The following ERCC2 variants were observed in gnomAD, a reference collection of about 807,000 sequenced individuals.
ERCC2 encodes general transcription and DNA repair factor IIH helicase subunit XPD.
Under a neutral mutation model 99.4 loss-of-function variants are expected in ERCC2, and 90 were observed. The ratio of observed to expected loss-of-function variants is 0.91; its 90% CI spans 0.76 to 1.08. ERCC2 has a LOEUF of 1.08. Ranked by LOEUF, ERCC2 falls within the 50% of genes least tolerant of loss-of-function variation. ERCC2 has a pLI of 0.00. For synonymous variants in ERCC2, 497 were observed against 432.4 expected (o/e 1.15, Z -1.85); for missense variants, 993 against 1,038.1 (o/e 0.96, Z 0.60).
intron 17 of ERCC2, among the ~76,000 whole-genome samples, 156 bp downstream of exon 17, chr19:45,354,574 G>A (rs887207456): frequency 6.6e-6 from 1 of 152,182 alleles, no homozygotes; most frequent in Non-Finnish European, 1.5e-5. Context: ...GCATGGGGGT[G>A]TGTGCTGCTT....
intron 17 of ERCC2, 30 bp from the exon 18 acceptor site, chr19:45,353,364 G>A (rs777430342): frequency 1.3e-6 from 2 of 1,527,728 alleles, no homozygotes; most frequent in East Asian, 2.3e-5. Context: ...GGTCAGGGTG[G>A]GTTCAGGGCA....
rs755217625 is a variant in ERCC2 at position 45,352,283 on chromosome 19, G to C, written c.2116C>G (p.Leu706Val). ...ACACCCTCGTCCACGGTCAGGTTGA[G>C]GTTGGCATCTGTGAGGTGCTCCTGG... Reference protein sequence around the residue: ...WIQEHLTDANLNLTVDEGVQV... With the variant: ...WIQEHLTDANVNLTVDEGVQV... The change falls in exon 22 of 23, where the codon CTC becomes GTC. Residue 706 changes from leucine (L) to valine (V), a missense_variant. Coordinates refer to ENST00000391945, the MANE Select transcript of ERCC2 (RefSeq NM_000400.4). 6.2e-7 allele frequency: 1 copy of C among 1,614,028 alleles called. No individual in the cohort carries two copies. The highest frequency in any genetic ancestry group is 8.5e-7 in the Non-Finnish European group (1 of 1,180,034).
chr19:45,358,692 T>C (rs1349301511), intron 12 of ERCC2: 1 of 663,016 alleles, frequency 1.5e-6, no homozygotes, highest in Non-Finnish European at 2.8e-6. Flanking sequence ...TGCTCAAAAG[T>C]CAGCCCCTCC....
Position 45,354,810 on chromosome 19 carries a change from C to A in ERCC2, c.1585G>T (p.Ala529Ser), listed in dbSNP as rs370819591. Reference sequence around the variant, plus strand: ...GCCACGATGCCATCAGGGACCACAGCGGACATCTCCAGCAGGAGGTTCCCA... The same window carrying A: ...GCCACGATGCCATCAGGGACCACAGAGGACATCTCCAGCAGGAGGTTCCCA... ...NYGNLLLEMS[A>S]VVPDGIVAFF... The change falls in exon 17 of 23, where the codon GCT (alanine) becomes TCT (serine). Residue 529 changes from alanine to serine, a missense_variant. Around this residue, in one of 3 missense-constraint regions of ERCC2, gnomAD observed 909 missense variants for 930.8 expected, o/e 0.98. Coordinates refer to ENST00000391945, the MANE Select transcript of ERCC2 (RefSeq NM_000400.4). 18 of 1,614,116 alleles carry A rather than the reference C, an allele frequency of 1.1e-5. No individual in the cohort carries two copies. Among genetic ancestry groups the A allele is most frequent in the Non-Finnish European group, 1.5e-5 (18 of 1,179,980 alleles).
In ERCC2 at chr19:45,364,047, G is replaced by A. The variant is rs371577814; in HGVS notation, c.888C>T (p.Ser296=). Residue 296 remains serine, a synonymous_variant, in exon 10 of 23, where the codon AGC becomes AGT. Coordinates refer to ENST00000391945, the MANE Select transcript of ERCC2 (RefSeq NM_000400.4). The stretch of plus-strand genomic sequence containing the variant: ...GGTGGGCGTCCGTCTCCCGGGCGGC[G>A]CTGGCCTCCCGCAGCCCCTCCACCA... ...RRLVEGLREA[S]AARETDAHLA... The A allele has an allele frequency of 2.5e-6, 4 of 1,568,712 alleles. No individual in the cohort carries two copies. Among genetic ancestry groups the A allele is most frequent in the Admixed American group, 1.9e-5 (1 of 53,352 alleles).
intron 11 of ERCC2, among the ~76,000 whole-genome samples, chr19:45,362,651 C>T (rs1396488567): frequency 2.0e-5 from 3 of 152,268 alleles, no homozygotes; most frequent in African/African-American, 7.2e-5. Context: ...CTGTCCCCTC[C>T]ACTGGGCCAT....
In ERCC2 at chr19:45,370,179, T is replaced by C; in HGVS notation, c.59A>G (p.Glu20Gly). The C allele has an allele frequency of 1.2e-6, 2 of 1,613,436 alleles. No homozygotes were observed. The highest frequency in any genetic ancestry group is 4.5e-5 in the East Asian group (2 of 44,840). Residue 20 changes from glutamate (E) to glycine (G), a missense_variant, in exon 2 of 23, where the codon GAG becomes GGG. Glu to Gly is a moderately conservative substitution (Grantham distance 98). Transcript: ENST00000391945. ...GAGCTCCCGCATGTAGGAGAACTGC[T>C]CGGGGTAGATGTAGTCGTACGGGAA... ...VYFPYDYIYP[E>G]QFSYMRELKR...
Position 45,368,700 on chromosome 19 carries a change from T to C in ERCC2, c.290A>G (p.Gln97Arg). 6.2e-7 allele frequency: 1 copy of C among 1,614,106 alleles called. No homozygotes were observed. ...CAGAAACGGCAGCTTCTCGCCCTCC[T>C]GCTTCTCATAGAAGTTGAGCAACTT... ...LRKLLNFYEK[Q>R]EGEKLPFLGL... Residue 97 changes from glutamine to arginine, a missense_variant, in exon 5 of 23, where the codon CAG becomes CGG. Physicochemically the swap from Gln to Arg is conservative, Grantham distance 43. Around this residue, in one of 3 missense-constraint regions of ERCC2, gnomAD observed 909 missense variants for 930.8 expected, o/e 0.98. Coordinates refer to ENST00000391945, the MANE Select transcript of ERCC2 (RefSeq NM_000400.4).
rs572026532 is a variant in ERCC2, at chr19:45,364,341, G to T, written c.719-10C>A. ...TCGATGCAGACGTTGTCTGGAGAAG[G>T]GGGAGAGAGCCGGCTCAGGCAGGCC... On this transcript the variant is annotated splice_polypyrimidine_tract_variant and intron_variant, in intron 8 of 22. Transcript: ENST00000391945. 1.9e-6 allele frequency: 3 copies of T among 1,613,960 alleles called. No homozygotes were observed. In the African/African-American group the frequency reaches 4.0e-5, roughly 22 times the overall value.
rs1971775006 is a variant in ERCC2 at position 45,351,486 on chromosome 19, C to T, written c.*143G>A. On this transcript the variant is annotated 3_prime_UTR_variant, in exon 23 of 23. Transcript: ENST00000391945. ...TGGGTACCTGGTGGATAGCTGCCTT[C>T]TCCTGCGATTAAAGGCTGTGGACGT... 1.3e-6 allele frequency: 2 copies of T among 1,589,384 alleles called. No homozygotes were observed. The highest frequency in any genetic ancestry group is 1.7e-6 in the Non-Finnish European group (2 of 1,172,190).
At chr19:45,355,126 G>A (rs1002162347) in intron 16 of ERCC2, among the ~76,000 whole-genome samples, 1 of 152,244 alleles carries the variant, frequency 6.6e-6, no homozygotes. Context: ...GGAGGCCGAG[G>A]CGGGTGGATC....
At position 45,352,572 on chromosome 19, in the gene ERCC2, C is replaced by A. The variant is rs775910108; in HGVS notation, c.1980G>T (p.Ala660=). 9.3e-6 allele frequency: 15 copies of A among 1,614,096 alleles called. No homozygotes were observed. Among genetic ancestry groups the A allele is most frequent in the Non-Finnish European group, 1.3e-5 (15 of 1,180,038 alleles). The change falls in exon 21 of 23, where the codon GCG becomes GCT. Residue 660 remains alanine, a synonymous_variant. Coordinates refer to ENST00000391945, the MANE Select transcript of ERCC2 (RefSeq NM_000400.4). ...TGATGGCCCGACCCACACACTGGGC[C>A]GCGTGGCGCATGGCATCGAAGGTAA... ...DFLTFDAMRH[A]AQCVGRAIRG...
Position 45,351,711 on chromosome 19 carries a change from A to G in ERCC2, c.2201T>C (p.Leu734Pro). The change falls in exon 23 of 23, where the codon CTG becomes CCG. Residue 734 changes from leucine (L) to proline (P), a missense_variant. Physicochemically the swap from Leu to Pro is moderately conservative, Grantham distance 98 (BLOSUM62 -3). Coordinates refer to ENST00000391945, the MANE Select transcript of ERCC2 (RefSeq NM_000400.4). ...CTCCAGGCTGAGCAGGGACAGGCCCAGCTGATCCTCCTGCAGAGAACAGAG... is the reference window on the plus strand; with the variant it reads ...CTCCAGGCTGAGCAGGGACAGGCCCGGCTGATCCTCCTGCAGAGAACAGAG... The part of the protein sequence containing the change: ...MAQPFHREDQ[L>P]GLSLLSLEQL... 1 of 1,613,812 alleles carries G rather than the reference A, an allele frequency of 6.2e-7. No individual in the cohort carries two copies. Among genetic ancestry groups the G allele is most frequent in the Non-Finnish European group, 8.5e-7 (1 of 1,179,970 alleles).
chr19:45,357,682 C>T lies in ERCC2; in HGVS notation c.1255G>A (p.Glu419Lys), dbSNP rs574002154. The change falls in exon 13 of 23, where the codon GAG becomes AAG. Residue 419 changes from glutamate to lysine, a missense_variant. By Grantham distance (56) the Glu-to-Lys change is moderately conservative (BLOSUM62 1). This residue lies in a region of ERCC2 where 909 missense variants were observed against 930.8 expected (regional missense o/e 0.98). Transcript: ENST00000391945. The stretch of plus-strand genomic sequence containing the variant: ...GTCGGGGTTCTGTCGTCAAAGGGCT[C>T]GATGATGATGGTGAAGCCTGCAGAG... ...TYAKGFTIII[E>K]PFDDRTPTIA... is the part of the protein sequence containing the mutation. The T allele has an allele frequency of 4.6e-5, 75 of 1,613,786 alleles. No homozygotes were observed. Among genetic ancestry groups the T allele is most frequent in the South Asian group, 4.3e-4 (39 of 91,076 alleles).
rs762568700 is a variant in ERCC2 at position 45,350,865 on chromosome 19, C to G, written c.*764G>C. 3.4e-5 allele frequency: 48 copies of G among 1,427,844 alleles called. No individual in the cohort carries two copies. The South Asian group carries it at 3.7e-4, about 11-fold the overall frequency. 88.4% of individuals were successfully genotyped at this position (1,427,844 alleles called of 1,614,324 possible). On this transcript the variant is annotated 3_prime_UTR_variant, in exon 23 of 23. Transcript: ENST00000391945. ...TGGCTCCCATCTCCCCTGTGATACA[C>G]ACAGATCAAACCCTGTGCTGGAAAG... is the stretch of plus-strand genomic sequence containing the variant.
At chr19:45,353,389 A>G in intron 17 of ERCC2, 55 bp from the exon 18 acceptor site, 1 of 1,217,624 alleles carries the variant, frequency 8.2e-7, no homozygotes, top group Non-Finnish European at 1.2e-6. Flanking sequence ...CATCCTGGTT[A>G]CATCCAACTC....
Position 45,354,781 on chromosome 19 carries a change from G to C in ERCC2, c.1614C>G (p.Phe538Leu). Residue 538 changes from phenylalanine to leucine, a missense_variant, in exon 17 of 23, where the codon TTC becomes TTG. Around this residue, in one of 3 missense-constraint regions of ERCC2, gnomAD observed 909 missense variants for 930.8 expected, o/e 0.98. Coordinates refer to ENST00000391945, the MANE Select transcript of ERCC2 (RefSeq NM_000400.4). ...SAVVPDGIVA[F>L]FTSYQYMEST... ...TCTCCATGTACTGGTAGCTGGTGAA[G>C]AAGGCCACGATGCCATCAGGGACCA... 1 of 1,614,160 alleles carries C rather than the reference G, an allele frequency of 6.2e-7. No individual in the cohort carries two copies. The highest frequency in any genetic ancestry group is 8.5e-7 in the Non-Finnish European group (1 of 1,180,006).
At position 45,350,280 on chromosome 19, in the gene ERCC2, G is replaced by A; in HGVS notation, c.*1349C>T. ...TCTACAAAAAAAAAAAAAAAGGCGGGACTGGATGCAGTGTTGGGAACTGGG... is the reference window on the plus strand; with the variant it reads ...TCTACAAAAAAAAAAAAAAAGGCGGAACTGGATGCAGTGTTGGGAACTGGG... On this transcript the variant is annotated 3_prime_UTR_variant, in exon 23 of 23. Transcript: ENST00000391945. The A allele has an allele frequency of 2.3e-6, 3 of 1,281,072 alleles. No homozygotes were observed. Among genetic ancestry groups the A allele is most frequent in the Non-Finnish European group, 2.2e-6 (2 of 908,376 alleles). 79.4% of individuals were successfully genotyped at this position (1,281,072 alleles called of 1,614,324 possible). A position where few individuals can be genotyped will look rare whatever the true frequency, so the allele number is the denominator to read the frequency against.
intron 17 of ERCC2, 137 bp downstream of exon 17, chr19:45,354,593 T>C: frequency 9.0e-7 from 1 of 1,116,272 alleles, no homozygotes; most frequent in South Asian, 1.3e-5. Context: ...TTACACCCCA[T>C]TCCTACATGC....
Sources: gnomAD v4.1 joint callset for allele counts (sites outside exome capture counted in the v4.1 genomes callset) on GRCh38, gnomAD v4.1.1 for gene constraint, gnomAD v4.1.1 regional missense constraint, MANE v1.5 for transcripts, NCBI Gene and HGNC (gene_info 2026-07-23, HGNC 2026-07-21) for gene names.